TUSC3: variants seen among roughly 807,000 people sequenced by gnomAD.
TUSC3 encodes the protein dolichyl-diphosphooligosaccharide--protein glycosyltransferase subunit TUSC3.
In TUSC3, 45 loss-of-function variants were observed where a neutral mutation model predicts 44.8. The observed-to-expected ratio is 1.00, with a 90% confidence interval of 0.79 to 1.29. TUSC3 has a LOEUF of 1.29. Ranked by LOEUF, TUSC3 falls within the 50% of genes most tolerant of loss-of-function variation. The pLI, the probability that TUSC3 is intolerant of heterozygous loss-of-function variation, is 0.00. For missense variants in TUSC3, 519 were observed against 437.9 expected (o/e 1.19, Z -1.65); for synonymous variants, 212 against 152.9 (o/e 1.39, Z -2.85).
the TUSC3 span, among the ~76,000 whole-genome samples, chr8:15,794,243 T>A: frequency 6.6e-6 from 1 of 152,094 alleles, no homozygotes; most frequent in Admixed American, 6.6e-5. Context: ...ACTCATCCCG[T>A]TTTTTTGAGG....
intron 1 of TUSC3, among the ~76,000 whole-genome samples, chr8:15,446,765 G>A (rs1343481612): frequency 7.7e-6 from 1 of 129,338 alleles, no homozygotes; most frequent in African/African-American, 2.8e-5. Flanking sequence ...GGGAGGGAGA[G>A]CTATTTTTTT....
In TUSC3 at chr8:15,488,970, C is replaced by T. The variant is rs570704480; in HGVS notation, n.189+5487C>T. 4.6e-5 allele frequency among the ~76,000 whole-genome samples: 7 copies of T among 152,286 alleles called. No individual in the cohort carries two copies. In the South Asian group the frequency reaches 1.5e-3, roughly 32 times the overall value. ...TTTGACCTTCCCCAGTAATCTCAGT[C>T]TCTTGGCTATTCAGGATAGAGTGTG... On this transcript the variant is annotated intron_variant and non_coding_transcript_variant, in intron 2 of 5. Transcript: ENST00000503191.
chr8:15,685,952 A>G (rs1360474542), intron 6 of TUSC3, among the ~76,000 whole-genome samples: 3 of 152,166 alleles, frequency 2.0e-5, no homozygotes, highest in African/African-American at 7.2e-5. Flanking sequence ...AAACCTGAAG[A>G]TATTGACAAA....
intron 1 of TUSC3, among the ~76,000 whole-genome samples, chr8:15,464,557 A>G (rs534319570): frequency 2.1e-4 from 32 of 152,208 alleles, no homozygotes; most frequent in Non-Finnish European, 3.8e-4. Flanking sequence ...AAAGTTATTC[A>G]ATATTTAGAT....
intron 9 of TUSC3, among the ~76,000 whole-genome samples, chr8:15,753,286 A>C (rs1426358538): frequency 6.6e-6 from 1 of 152,006 alleles, no homozygotes; most frequent in Non-Finnish European, 1.5e-5. Flanking sequence ...ATGTCCGTTC[A>C]GCTCTTTTGA....
chr8:15,760,068 A>C (rs959135349), intron 10 of TUSC3, among the ~76,000 whole-genome samples: 10 of 152,156 alleles, frequency 6.6e-5, no homozygotes, highest in Non-Finnish European at 1.3e-4. Context: ...ATTATCCCCC[A>C]TAATACATCA....
chr8:15,550,634 CTCTG>C (rs1350772808), intron 1 of TUSC3, among the ~76,000 whole-genome samples: 5 of 151,394 alleles, frequency 3.3e-5, no homozygotes, highest in African/African-American at 9.7e-5. Context: ...TGATTCTTTC[CTCTG>C]TCTTTTTGTA....
At chr8:15,648,725 C>CAAAAAAAAAAAAAAAAAAAAAAAAAA (rs58526383) in intron 2 of TUSC3, among the ~76,000 whole-genome samples, 2 of 26,156 alleles carry the variant, frequency 7.6e-5, no homozygotes, top group African/African-American at 2.6e-4. Flanking sequence ...GACTCTGTGT[C>CAAAAAAAAAAAAAAAAAAAAAAAAAA]AAAAAAAAAA....
chr8:15,825,168 T>C, the TUSC3 span, among the ~76,000 whole-genome samples: 2 of 152,186 alleles, frequency 1.3e-5, no homozygotes, highest in African/African-American at 4.8e-5. Flanking sequence ...GACAATTTTA[T>C]TCACCCATTC....
At chr8:15,551,237 T>G (rs193071095) in intron 1 of TUSC3, among the ~76,000 whole-genome samples, 17 of 151,792 alleles carry the variant, frequency 1.1e-4, no homozygotes, top group East Asian at 2.0e-4. Flanking sequence ...TTTATTAGGT[T>G]CTAAAAATGC....
intron 6 of TUSC3, among the ~76,000 whole-genome samples, chr8:15,711,181 T>C (rs527611200): frequency 6.6e-6 from 1 of 151,866 alleles, no homozygotes; most frequent in South Asian, 2.1e-4. Flanking sequence ...TAAAAAGTAA[T>C]GAAACACTTC....
chr8:15,693,702 T>G (rs1381654516), intron 6 of TUSC3, among the ~76,000 whole-genome samples: 1 of 152,042 alleles, frequency 6.6e-6, no homozygotes, highest in African/African-American at 2.4e-5. Flanking sequence ...TCTGGCAAGC[T>G]TGGGGAAATT....
the TUSC3 span, among the ~76,000 whole-genome samples, chr8:15,843,453 T>G: frequency 6.6e-6 from 1 of 151,900 alleles, no homozygotes; most frequent in Non-Finnish European, 1.5e-5. Context: ...GAAGAAAAAC[T>G]TAAAGAGATG....
intron 1 of TUSC3, among the ~76,000 whole-genome samples, chr8:15,602,694 G>C (rs12114263): frequency 6.9e-6 from 1 of 144,754 alleles, no homozygotes; most frequent in Non-Finnish European, 1.5e-5. Flanking sequence ...GTGTGTGTGT[G>C]TGTATATATG....
chr8:15,420,001 A>G (rs1799718092), intron 1 of TUSC3, among the ~76,000 whole-genome samples: 1 of 152,162 alleles, frequency 6.6e-6, no homozygotes, highest in Non-Finnish European at 1.5e-5. Context: ...TCATTCATTG[A>G]ATGAATTTTT....
chr8:15,497,706 T>C (rs1290530948), intron 2 of TUSC3, among the ~76,000 whole-genome samples: 1 of 151,530 alleles, frequency 6.6e-6, no homozygotes, highest in Non-Finnish European at 1.5e-5. Flanking sequence ...AGAGAAGTTT[T>C]CTTTTTTCTT....
chr8:15,644,013 A>C (rs1563150679), intron 2 of TUSC3, among the ~76,000 whole-genome samples: 1 of 152,242 alleles, frequency 6.6e-6, no homozygotes, highest in Non-Finnish European at 1.5e-5. Flanking sequence ...AAGTTTGATT[A>C]ACATTAAAAA....
intron 2 of TUSC3, among the ~76,000 whole-genome samples, chr8:15,534,330 A>G (rs1449109841): frequency 1.3e-5 from 2 of 152,164 alleles, no homozygotes; most frequent in East Asian, 3.9e-4. Context: ...TAAATTTCTC[A>G]TGGTTAAAAT....
intron 2 of TUSC3, among the ~76,000 whole-genome samples, chr8:15,529,713 G>A (rs1387765514): frequency 1.3e-5 from 2 of 150,956 alleles, no homozygotes; most frequent in African/African-American, 2.4e-5. Context: ...TGTTATTGGA[G>A]CATTTAGGGA....
Sources: gnomAD v4.1 joint callset for allele counts (sites outside exome capture counted in the v4.1 genomes callset) on GRCh38, gnomAD v4.1.1 for gene constraint, MANE v1.5 for transcripts, NCBI Gene and HGNC (gene_info 2026-07-23, HGNC 2026-07-21) for gene names.